The following ARHGAP17 variants were observed in gnomAD, a reference collection of about 807,000 sequenced individuals.
ARHGAP17 encodes the protein rho GTPase-activating protein 17.
ARHGAP17 carries 57 observed loss-of-function variants against 99.5 expected under a neutral mutation model. That is an observed-to-expected ratio of 0.57 (90% CI 0.46 to 0.71). ARHGAP17 has a LOEUF of 0.71. Among genes scored for constraint, ARHGAP17 ranks in the 30% least tolerant of loss-of-function variants. The pLI, the probability that ARHGAP17 is intolerant of heterozygous loss-of-function variation, is 0.00. For missense variants in ARHGAP17, 1,000 were observed against 1,122.4 expected (o/e 0.89, Z 1.56); for synonymous variants, 417 against 429.6 (o/e 0.97, Z 0.36).
intron 1 of ARHGAP17, among the ~76,000 whole-genome samples, chr16:25,003,846 ACC>A (rs2053437894): frequency 6.6e-6 from 1 of 151,972 alleles, no homozygotes; most frequent in South Asian, 2.1e-4. Context: ...GCTTTGAAGA[ACC>A]AACTTACACC....
chr16:24,963,224 A>G (rs1567233982), intron 7 of ARHGAP17, among the ~76,000 whole-genome samples: 2 of 152,246 alleles, frequency 1.3e-5, no homozygotes, highest in Non-Finnish European at 2.9e-5. Context: ...ATTTATCTGA[A>G]TATCATCTTT....
rs764151214 is a variant in ARHGAP17 at position 24,920,439 on chromosome 16, G to A, written c.2516-179C>T. The stretch of plus-strand genomic sequence containing the variant: ...CAAGTGAAGCCTTTGTGACCCCAGA[G>A]GGCAGCTGAGTAGCACAGCCTTGCC... On this transcript the variant is annotated intron_variant, in intron 19 of 19. Coordinates refer to ENST00000289968, the MANE Select transcript of ARHGAP17 (RefSeq NM_001006634.3). 6.9e-5 allele frequency: 46 copies of A among 670,240 alleles called. 1 individual carries two copies. The highest frequency in any genetic ancestry group is 9.8e-5 in the Non-Finnish European group (40 of 406,744). 41.5% of individuals were successfully genotyped at this position (670,240 alleles called of 1,614,324 possible).
At chr16:25,004,852 A>C (rs939069300) in intron 1 of ARHGAP17, among the ~76,000 whole-genome samples, 3 of 152,248 alleles carry the variant, frequency 2.0e-5, no homozygotes, top group Non-Finnish European at 2.9e-5. Flanking sequence ...AATGCAAATA[A>C]TCAATAAGCT....
At chr16:25,001,288 T>C (rs570871441) in intron 1 of ARHGAP17, among the ~76,000 whole-genome samples, 1 of 152,170 alleles carries the variant, frequency 6.6e-6, no homozygotes, top group Admixed American at 6.5e-5. Context: ...CTGGGAAGCA[T>C]ATAAAAGATT....
intron 1 of ARHGAP17, among the ~76,000 whole-genome samples, chr16:25,012,303 C>T (rs542602232): frequency 1.3e-5 from 2 of 152,286 alleles, no homozygotes; most frequent in East Asian, 3.9e-4. Context: ...CTGCATCATG[C>T]GAACTCATTC....
intron 1 of ARHGAP17, among the ~76,000 whole-genome samples, chr16:24,984,049 G>A (rs1276610839): frequency 6.6e-6 from 1 of 152,136 alleles, no homozygotes; most frequent in Non-Finnish European, 1.5e-5. Flanking sequence ...TTTCAATCTG[G>A]AGTAGTTCAC....
At chr16:24,943,289 A>C (rs975539252) in intron 15 of ARHGAP17, among the ~76,000 whole-genome samples, 1 of 152,236 alleles carries the variant, frequency 6.6e-6, no homozygotes, top group Non-Finnish European at 1.5e-5. Context: ...GCAAATCCAT[A>C]ATCTAGCTAG....
intron 7 of ARHGAP17, among the ~76,000 whole-genome samples, chr16:24,961,204 T>TAAAAATATGTATAAAAATA (rs1182140716): frequency 3.3e-5 from 5 of 151,130 alleles, no homozygotes; most frequent in Non-Finnish European, 7.4e-5. Context: ...AAAATATGTC[T>TAAAAATATGTATAAAAATA]TGACAAAAAA....
At chr16:24,931,507 G>C in intron 18 of ARHGAP17, 103 bp from the exon 19 acceptor site, 2 of 1,193,362 alleles carry the variant, frequency 1.7e-6, no homozygotes, top group Non-Finnish European at 2.2e-6. Context: ...AGGTACACCA[G>C]CATCATGTAC....
intron 1 of ARHGAP17, among the ~76,000 whole-genome samples, chr16:24,993,983 C>T (rs1210544836): frequency 6.6e-6 from 1 of 152,176 alleles, no homozygotes; most frequent in Non-Finnish European, 1.5e-5. Context: ...CCAAAAATGA[C>T]AAATGTTGCA....
rs781500892 is a variant in ARHGAP17, at chr16:24,930,884, G to A, written c.2415C>T (p.Asn805=). ...GGGGGGGTGGGGGCACGCTGGGCCG[G>A]TTCCTTGGCTTTGGTACTGGTCTCG... ...PRPRPVPKPR[N]RPSVPPPPQP... is the part of the protein sequence containing the mutation. Residue 805 remains asparagine (N), a synonymous_variant, in exon 19 of 20, where the codon AAC becomes AAT. Transcript: ENST00000289968. The A allele has an allele frequency of 1.7e-5, 28 of 1,613,880 alleles. No individual in the cohort carries two copies. The East Asian group carries it at 2.0e-4, about 12-fold the overall frequency.
chr16:24,968,445 C>A lies in ARHGAP17; in HGVS notation c.385-18G>T, dbSNP rs1475216175. On this transcript the variant is annotated intron_variant, in intron 5 of 19. Coordinates refer to ENST00000289968, the MANE Select transcript of ARHGAP17 (RefSeq NM_001006634.3). ...ATCTCCACCTAAAAATAAGAACATA[C>A]CAAATGGGATGCACTTCAGGGCTTT... The A allele has an allele frequency of 6.2e-7, 1 of 1,613,800 alleles. No homozygotes were observed. Among genetic ancestry groups the A allele is most frequent in the Non-Finnish European group, 8.5e-7 (1 of 1,179,766 alleles).
At chr16:24,941,672 T>TC in intron 16 of ARHGAP17, 1 of 296,864 alleles carries the variant, frequency 3.4e-6, no homozygotes, top group Non-Finnish European at 6.4e-6. Context: ...CCTTTCTGTT[T>TC]CCCCCCACTC....
intron 16 of ARHGAP17, 52 bp from the exon 17 acceptor site, chr16:24,939,649 C>A: frequency 2.0e-6 from 3 of 1,532,212 alleles, no homozygotes; most frequent in Non-Finnish European, 2.7e-6. Context: ...ACTACTGAGA[C>A]AGAAGCCCAT....
intron 1 of ARHGAP17, among the ~76,000 whole-genome samples, chr16:25,002,524 C>G (rs2053390165): frequency 6.6e-6 from 1 of 152,188 alleles, no homozygotes; most frequent in African/African-American, 2.4e-5. Context: ...AGTTCTACCA[C>G]AGTAGCCCTC....
At chr16:24,990,678 C>T (rs996699403) in intron 1 of ARHGAP17, among the ~76,000 whole-genome samples, 1 of 151,762 alleles carries the variant, frequency 6.6e-6, no homozygotes, top group African/African-American at 2.4e-5. Flanking sequence ...CAAATACACA[C>T]ACACCCCTCA....
intron 18 of ARHGAP17, among the ~76,000 whole-genome samples, chr16:24,934,498 G>C (rs1175596863): frequency 6.6e-6 from 1 of 151,754 alleles, no homozygotes; most frequent in African/African-American, 2.4e-5. Flanking sequence ...CTGTTGTCCA[G>C]GCTGGAGTGC....
At chr16:24,973,070 A>G (rs958906748) in intron 3 of ARHGAP17, among the ~76,000 whole-genome samples, 1 of 152,138 alleles carries the variant, frequency 6.6e-6, no homozygotes, top group African/African-American at 2.4e-5. Flanking sequence ...CCTGAGCTCA[A>G]GCAATCCACC....
intron 1 of ARHGAP17, among the ~76,000 whole-genome samples, chr16:25,005,310 A>G (rs1247451926): frequency 6.6e-6 from 1 of 152,268 alleles, no homozygotes; most frequent in East Asian, 1.9e-4. Flanking sequence ...TAGAAATCTT[A>G]GATTTTTTAT....
Sources: allele counts gnomAD v4.1 joint callset (sites outside exome capture counted in the v4.1 genomes callset), GRCh38; gene constraint gnomAD v4.1.1; transcripts MANE v1.5; gene names NCBI Gene and HGNC (gene_info 2026-07-23, HGNC 2026-07-21).